Variants in COTL1 observed in about 807,000 individuals in gnomAD.
The protein encoded by COTL1 is coactosin-like protein.
COTL1 carries 15 observed loss-of-function variants against 16.5 expected under a neutral mutation model. The observed-to-expected ratio is 0.91, with a 90% CI of 0.61 to 1.40. COTL1 has a LOEUF of 1.40. Ranked by LOEUF, COTL1 falls within the 40% of genes most tolerant of loss-of-function variation. The pLI is 0.00. For synonymous variants in COTL1, 112 were observed against 85.3 expected (o/e 1.31, Z -1.73); for missense variants, 220 against 201.5 (o/e 1.09, Z -0.56).
At chr16:84,601,476 G>T (rs552699492) in intron 2 of COTL1, among the ~76,000 whole-genome samples, 1 of 152,034 alleles carries the variant, frequency 6.6e-6, no homozygotes, top group Non-Finnish European at 1.5e-5. Flanking sequence ...TTATCCCCCC[G>T]AGACGGAGTC....
intron 3 of COTL1, among the ~76,000 whole-genome samples, chr16:84,570,353 A>C (rs996411747): frequency 6.6e-6 from 1 of 152,198 alleles, no homozygotes; most frequent in African/African-American, 2.4e-5. Context: ...GGTCAACCTA[A>C]AACCACAAGT....
chr16:84,602,208 T>TG (rs35678493), intron 2 of COTL1, among the ~76,000 whole-genome samples: 157 of 146,126 alleles, frequency 1.1e-3, no homozygotes, highest in African/African-American at 2.6e-3. Flanking sequence ...TCAATGGGGG[T>TG]GGGGGGGGTG....
rs531166849 is a variant in COTL1, at chr16:84,609,381, C to T, written c.160+8120G>A. Among the ~76,000 whole-genome samples the T allele has an allele frequency of 3.9e-5, 6 of 152,322 alleles. No homozygotes were observed. In the South Asian group the frequency reaches 6.2e-4, roughly 16 times the overall value. On this transcript the variant is annotated intron_variant, in intron 2 of 3. Coordinates refer to ENST00000262428, the MANE Select transcript of COTL1 (RefSeq NM_021149.5). ...CTCCAAGAGGCATCCCCTAGGCCTG[C>T]ACTAAGGCCAGTCAGTCTTCCTGGA...
chr16:84,584,595 GAAC>G (rs1482727156), intron 3 of COTL1, among the ~76,000 whole-genome samples: 1 of 152,176 alleles, frequency 6.6e-6, no homozygotes. Flanking sequence ...CAATATCCGT[GAAC>G]AACAAGATTC....
At chr16:84,582,120 T>C (rs1904610873) in intron 3 of COTL1, among the ~76,000 whole-genome samples, 1 of 151,562 alleles carries the variant, frequency 6.6e-6, no homozygotes, top group Admixed American at 6.6e-5. Flanking sequence ...CCTGAGTAGC[T>C]GGTAGCTGGG....
At chr16:84,567,197 C>G in intron 3 of COTL1, 1 of 434,246 alleles carries the variant, frequency 2.3e-6, no homozygotes, top group Non-Finnish European at 4.2e-6. Context: ...TCTGATGCTG[C>G]GTCTTCCCAT....
In COTL1 at chr16:84,590,773, T is replaced by C. The variant is rs1344623516; in HGVS notation, c.161-511A>G. ...TTCATCCTCTTTGTAGACCAGAAAT[T>C]CATCAACTCTTTTTGCCTCAATCTT... On this transcript the variant is annotated intron_variant, in intron 2 of 3. Transcript: ENST00000262428. The surrounding 1 kb of genome is among the most constrained non-coding windows in gnomAD (Gnocchi z 5.5). Among the ~76,000 whole-genome samples, 1 of 152,190 alleles carries C rather than the reference T, an allele frequency of 6.6e-6. No individual in the cohort carries two copies. Among genetic ancestry groups the C allele is most frequent in the East Asian group, 1.9e-4 (1 of 5,194 alleles).
chr16:84,573,337 C>T (rs1341492357), intron 3 of COTL1, among the ~76,000 whole-genome samples: 2 of 152,222 alleles, frequency 1.3e-5, no homozygotes, highest in Non-Finnish European at 2.9e-5. Context: ...CAGGTCTAGA[C>T]AGAACACGAA....
intron 3 of COTL1, among the ~76,000 whole-genome samples, chr16:84,571,282 G>T (rs532145852): frequency 6.6e-6 from 1 of 152,176 alleles, no homozygotes; most frequent in Non-Finnish European, 1.5e-5. Flanking sequence ...GTGCAAAGCC[G>T]AGCAGAGAGA....
chr16:84,605,709 G>A (rs1905199041), intron 2 of COTL1, among the ~76,000 whole-genome samples: 3 of 152,226 alleles, frequency 2.0e-5, no homozygotes, highest in Admixed American at 1.3e-4. Flanking sequence ...GCAAGAAAAT[G>A]GATTCTCCCC....
intron 3 of COTL1, chr16:84,575,518 C>A (rs1009373106): frequency 4.6e-5 from 7 of 151,108 alleles, no homozygotes; most frequent in African/African-American, 1.5e-4. Context: ...CCACCACGGC[C>A]GGCTCATTTT....
intron 2 of COTL1, among the ~76,000 whole-genome samples, chr16:84,597,043 T>C (rs1905020354): frequency 6.6e-6 from 1 of 152,232 alleles, no homozygotes; most frequent in African/African-American, 2.4e-5. Context: ...GGCTTCCTTC[T>C]AGCTATGGAA....
chr16:84,592,896 G>A (rs1904906316), intron 2 of COTL1, among the ~76,000 whole-genome samples: 1 of 152,236 alleles, frequency 6.6e-6, no homozygotes, highest in Non-Finnish European at 1.5e-5. Flanking sequence ...GATCCTAGCT[G>A]CAGTCCAGGG....
intron 2 of COTL1, among the ~76,000 whole-genome samples, chr16:84,611,511 A>G (rs1356089100): frequency 6.6e-6 from 1 of 152,216 alleles, no homozygotes; most frequent in Non-Finnish European, 1.5e-5. Flanking sequence ...ATAGATAAAA[A>G]TGAGACCAGC....
chr16:84,587,797 T>TA (rs61457781), intron 3 of COTL1, among the ~76,000 whole-genome samples: 6 of 152,074 alleles, frequency 3.9e-5, no homozygotes, highest in African/African-American at 1.4e-4. Flanking sequence ...TTTATTTATT[T>TA]TATTTATTTT....
rs1411460833 is a variant in COTL1, at chr16:84,566,601, AAG to A, written c.*242_*243del. On this transcript the variant is annotated 3_prime_UTR_variant, in exon 4 of 4. Transcript: ENST00000262428. ...AAAATGACTTTTCTTTAGAACAAAA[AAG>A]AGGGGGAGAAAAGAAAAAGAAGATC... The A allele has an allele frequency of 1.3e-5, 6 of 466,874 alleles. No individual in the cohort carries two copies. The highest frequency in any genetic ancestry group is 3.7e-5 in the East Asian group (1 of 27,338). 28.9% of individuals were successfully genotyped at this position (466,874 alleles called of 1,614,324 possible). A position where few individuals can be genotyped will look rare whatever the true frequency, so the allele number is the denominator to read the frequency against.
chr16:84,588,210 G>C (rs2150686939), intron 3 of COTL1, among the ~76,000 whole-genome samples: 1 of 149,842 alleles, frequency 6.7e-6, no homozygotes, highest in East Asian at 1.9e-4. Context: ...GTGAGATCCT[G>C]TCTCTCTTAA....
intron 3 of COTL1, among the ~76,000 whole-genome samples, chr16:84,588,025 G>T (rs766500762): frequency 5.9e-5 from 9 of 151,988 alleles, no homozygotes; most frequent in Non-Finnish European, 1.3e-4. Flanking sequence ...GCCTGCCTTG[G>T]CCTCCCAAAG....
At chr16:84,605,544 G>A (rs932094267) in intron 2 of COTL1, among the ~76,000 whole-genome samples, 24 of 152,202 alleles carry the variant, frequency 1.6e-4, no homozygotes, top group Non-Finnish European at 3.1e-4. Context: ...TGACACCCAC[G>A]TGATCACTGC....
Sources: allele counts gnomAD v4.1 joint callset (sites outside exome capture counted in the v4.1 genomes callset), GRCh38; gene constraint gnomAD v4.1.1; non-coding constraint Gnocchi (gnomAD v3.1); transcripts MANE v1.5; gene names NCBI Gene and HGNC (gene_info 2026-07-23, HGNC 2026-07-21).